The following F5 variants were observed in gnomAD, a reference collection of about 807,000 sequenced individuals.
F5 encodes coagulation factor V.
Under a neutral mutation model 216.4 loss-of-function variants are expected in F5, and 138 were observed. The ratio of observed to expected loss-of-function variants is 0.64; its 90% CI spans 0.56 to 0.73. F5 has a LOEUF of 0.73. Among genes scored for constraint, F5 ranks in the 30% least tolerant of loss-of-function variants. The pLI is 0.00. For missense variants in F5, 2,403 were observed against 2,674.0 expected (o/e 0.90, Z 2.24); for synonymous variants, 916 against 930.7 (o/e 0.98, Z 0.29).
At chr1:169,550,816 T>C (rs1164556186) in intron 8 of F5, 77 bp from the exon 9 acceptor site, 4 of 1,112,564 alleles carry the variant, frequency 3.6e-6, no homozygotes, top group Non-Finnish European at 5.5e-6. Context: ...GCTTTGCATA[T>C]TCACCTTTTG....
chr1:169,517,213 T>C (rs915678598), intron 23 of F5, among the ~76,000 whole-genome samples: 5 of 152,194 alleles, frequency 3.3e-5, no homozygotes, highest in African/African-American at 1.2e-4. Flanking sequence ...ATTCTAGTCC[T>C]GATTCTGCTA....
intron 18 of F5, among the ~76,000 whole-genome samples, chr1:169,525,260 G>A (rs939555324): frequency 6.6e-6 from 1 of 152,158 alleles, no homozygotes; most frequent in Non-Finnish European, 1.5e-5. Flanking sequence ...ACTCTGGGAG[G>A]CCGAGGGGGG....
At chr1:169,552,521 T>A (rs751700221) in intron 8 of F5, 36 bp downstream of exon 8, 1 of 1,564,120 alleles carries the variant, frequency 6.4e-7, no homozygotes, top group Non-Finnish European at 8.8e-7. Flanking sequence ...TTTTACTATG[T>A]AATTTCTCCC....
At chr1:169,571,149 T>C (rs879293419) in intron 3 of F5, among the ~76,000 whole-genome samples, 1 of 152,184 alleles carries the variant, frequency 6.6e-6, no homozygotes, top group Non-Finnish European at 1.5e-5. Context: ...CAGTGCCTGA[T>C]GGAACTCTAC....
chr1:169,582,604 A>G, intron 1 of F5, 82 bp from the exon 2 acceptor site: 2 of 717,042 alleles, frequency 2.8e-6, no homozygotes, highest in Non-Finnish European at 4.8e-6. Context: ...GATCTCTCAT[A>G]TCTTCAGACT....
rs140627208 is a variant in F5, at chr1:169,549,873, T to C, written c.1539A>G (p.Arg513=). The part of the protein sequence containing the change: ...RPYYSDVDIM[R]DIASGLIGLL... ...GTCCTATTAGCCCAGAGGCGATGTC[T>C]CTCATGATGTCCACGTCACTGTAGT... The change falls in exon 10 of 25, where the codon AGA becomes AGG. Residue 513 remains arginine, a synonymous_variant. Coordinates refer to ENST00000367797, the MANE Select transcript of F5 (RefSeq NM_000130.5). 2.6e-4 allele frequency: 427 copies of C among 1,614,150 alleles called. 2 individuals carry two copies. In the African/African-American group the frequency reaches 4.5e-3, roughly 17 times the overall value.
Position 169,523,300 on chromosome 1 carries a change from T to C in F5, c.5945A>G (p.Lys1982Arg). 6.2e-7 allele frequency: 1 copy of C among 1,614,112 alleles called. No individual in the cohort carries two copies. Among genetic ancestry groups the C allele is most frequent in the Non-Finnish European group, 8.5e-7 (1 of 1,179,974 alleles). Residue 1982 changes from lysine (K) to arginine (R), a missense_variant, in exon 21 of 25, where the codon AAA becomes AGA. Lys to Arg is a conservative substitution (Grantham distance 26). Transcript: ENST00000367797. ...GGTATAGCAGGACTTCAGGTAGTGT[T>C]TGGCACCTTGGGTCTGGATCCCTGT... ...IITGIQTQGAKHYLKSCYTTE... is the reference protein window; with the variant it reads ...IITGIQTQGARHYLKSCYTTE...
At position 169,560,538 on chromosome 1, in the gene F5, G is replaced by T; in HGVS notation, c.586+16C>A. 1 of 1,611,078 alleles carries T rather than the reference G, an allele frequency of 6.2e-7. No homozygotes were observed. The highest frequency in any genetic ancestry group is 1.1e-5 in the South Asian group (1 of 91,016). On this transcript the variant is annotated intron_variant, in intron 4 of 24. Coordinates refer to ENST00000367797, the MANE Select transcript of F5 (RefSeq NM_000130.5). ...CAACATTTAGTTGTTGAATCTTTTG[G>T]TGGGGGTGTTCTTACCTTTTTTACA...
At chr1:169,550,288 ACCCC>A (rs60015398) in intron 9 of F5, among the ~76,000 whole-genome samples, 22,624 of 73,114 alleles carry the variant, frequency 0.31, 1,699 homozygotes, top group South Asian at 0.41. Flanking sequence ...CCCGCCCCCC[ACCCC>A]CCCCCCCCGA....
At chr1:169,533,875 G>A (rs1373230602) in intron 14 of F5, among the ~76,000 whole-genome samples, 4 of 152,054 alleles carry the variant, frequency 2.6e-5, no homozygotes, top group African/African-American at 9.7e-5. Flanking sequence ...TAAGGGAGGA[G>A]ACCACCCCTC....
chr1:169,564,996 T>C (rs935985495), intron 3 of F5, among the ~76,000 whole-genome samples: 11 of 152,106 alleles, frequency 7.2e-5, no homozygotes, highest in African/African-American at 2.4e-4. Context: ...TTCAGTCTTA[T>C]CATACGTCTT....
intron 3 of F5, among the ~76,000 whole-genome samples, chr1:169,562,520 C>G (rs1660506195): frequency 6.6e-6 from 1 of 151,780 alleles, no homozygotes; most frequent in Admixed American, 6.6e-5. Flanking sequence ...TATTTATTTT[C>G]TATTTGTCTA....
intron 7 of F5, among the ~76,000 whole-genome samples, chr1:169,553,326 T>C (rs1660219099): frequency 6.6e-6 from 1 of 152,226 alleles, no homozygotes. Context: ...GCCCTCTTTA[T>C]TACCTTAGTT....
chr1:169,520,776 C>G, intron 21 of F5, 112 bp from the exon 22 acceptor site: 1 of 884,794 alleles, frequency 1.1e-6, no homozygotes, highest in Non-Finnish European at 1.8e-6. Context: ...GGGGTCCAAA[C>G]TAAATCAATT....
chr1:169,545,964 A>AATGTCTTCATGCATGCCTTT (rs1659991014), intron 11 of F5, among the ~76,000 whole-genome samples: 1 of 152,138 alleles, frequency 6.6e-6, no homozygotes, highest in Non-Finnish European at 1.5e-5. Context: ...GATCACTTGA[A>AATGTCTTCATGCATGCCTTT]ATGTCTTCAT....
chr1:169,524,255 G>C (rs1659377696), intron 19 of F5, among the ~76,000 whole-genome samples: 1 of 152,236 alleles, frequency 6.6e-6, no homozygotes, highest in South Asian at 2.1e-4. Flanking sequence ...TTGATCTTGG[G>C]AAGGGCTTTG....
intron 20 of F5, 139 bp downstream of exon 20, chr1:169,523,662 G>A (rs1659362697): frequency 2.4e-6 from 2 of 835,462 alleles, no homozygotes; most frequent in African/African-American, 1.7e-5. Flanking sequence ...AGGATATAAA[G>A]TACTTAGAAC....
chr1:169,536,489 G>C lies in F5; in HGVS notation c.4971+17C>G, dbSNP rs747543138. The C allele has an allele frequency of 6.2e-7, 1 of 1,610,738 alleles. No individual in the cohort carries two copies. Among genetic ancestry groups the C allele is most frequent in the Non-Finnish European group, 8.5e-7 (1 of 1,177,372 alleles). On this transcript the variant is annotated intron_variant, in intron 14 of 24. Transcript: ENST00000367797. ...GGAAATTCCTCCGAAGATCTTAGCAGTGCTCAAAAGACTTACTTGGATAAC... is the reference window on the plus strand; with the variant it reads ...GGAAATTCCTCCGAAGATCTTAGCACTGCTCAAAAGACTTACTTGGATAAC...
At chr1:169,578,393 G>A (rs1417639427) in intron 2 of F5, among the ~76,000 whole-genome samples, 1 of 152,170 alleles carries the variant, frequency 6.6e-6, no homozygotes, top group Admixed American at 6.5e-5. Context: ...CATCTGAAAG[G>A]ACTTTGATCA....
Sources: gnomAD v4.1 joint callset for allele counts (sites outside exome capture counted in the v4.1 genomes callset) on GRCh38, gnomAD v4.1.1 for gene constraint, MANE v1.5 for transcripts, NCBI Gene and HGNC (gene_info 2026-07-23, HGNC 2026-07-21) for gene names.